TENT2: variants seen among roughly 807,000 people sequenced by gnomAD.
TENT2 encodes the protein terminal nucleotidyltransferase 2, also known as poly(A) RNA polymerase GLD2.
A neutral mutation model predicts 72.2 loss-of-function variants in TENT2; 44 were observed. The observed-to-expected ratio is 0.61, with a 90% CI of 0.48 to 0.78. The LOEUF (loss-of-function observed/expected upper bound fraction) is 0.78, where lower values mean the gene tolerates loss of function less well. Among genes scored for constraint, TENT2 ranks in the 30% least tolerant of loss-of-function variants. The probability of loss-of-function intolerance (pLI) is 0.00; values close to 1 mark genes in which losing one functional copy is unlikely to be tolerated. For synonymous variants in TENT2, 212 were observed against 192.5 expected (o/e 1.10, Z -0.84); for missense variants, 541 against 569.6 (o/e 0.95, Z 0.51).
chr5:79,667,086 A>G (rs1312812814), intron 11 of TENT2, among the ~76,000 whole-genome samples: 1 of 152,186 alleles, frequency 6.6e-6, no homozygotes, highest in African/African-American at 2.4e-5. Context: ...AATGGAGTGG[A>G]TCTCACGACT....
At chr5:79,635,384 T>G (rs894234117) in intron 4 of TENT2, among the ~76,000 whole-genome samples, 1 of 152,194 alleles carries the variant, frequency 6.6e-6, no homozygotes, top group South Asian at 2.1e-4. Flanking sequence ...TAGTAGTCCT[T>G]GGGAAAGAAA....
In TENT2 at chr5:79,685,568, T is replaced by C. The variant is rs1294207730; in HGVS notation, c.*295T>C. 2 of 222,472 alleles carry C rather than the reference T, an allele frequency of 9.0e-6. No homozygotes were observed. Among genetic ancestry groups the C allele is most frequent in the Non-Finnish European group, 8.7e-6 (1 of 114,720 alleles). 13.8% of individuals were successfully genotyped at this position (222,472 alleles called of 1,614,324 possible). On this transcript the variant is annotated 3_prime_UTR_variant, in exon 15 of 15. Transcript: ENST00000453514. ...AATTAACTGAACAAATAAAAAGTTT[T>C]TGATATAACTTCAATTAATTGTACC...
intron 11 of TENT2, among the ~76,000 whole-genome samples, chr5:79,661,935 TAA>T (rs1323070788): frequency 6.6e-6 from 1 of 152,206 alleles, no homozygotes; most frequent in Non-Finnish European, 1.5e-5. Flanking sequence ...CTTTACCAGC[TAA>T]GTTTATGTAA....
intron 3 of TENT2, among the ~76,000 whole-genome samples, chr5:79,622,984 T>C (rs1290983442): frequency 1.3e-5 from 2 of 152,086 alleles, no homozygotes; most frequent in Admixed American, 6.5e-5. Context: ...AGATGAAACA[T>C]TGGGGTAGTT....
At chr5:79,662,970 G>A (rs976034746) in intron 11 of TENT2, among the ~76,000 whole-genome samples, 1 of 152,198 alleles carries the variant, frequency 6.6e-6, no homozygotes. Context: ...TTCATCTGTT[G>A]TTCAGTGTAG....
Position 79,649,086 on chromosome 5 carries a change from T to C in TENT2, c.923T>C (p.Val308Ala). Reference sequence around the variant, plus strand: ...GTTGAAAATCGAGTTCGTCCGTTAGTGCTGGTGATTAAGAAGTGGGCAAGT... The same window carrying C: ...GTTGAAAATCGAGTTCGTCCGTTAGCGCTGGTGATTAAGAAGTGGGCAAGT... ...AYLENRVRPL[V>A]LVIKKWASHH... The change falls in exon 10 of 15, where the codon GTG (valine) becomes GCG (alanine). Residue 308 changes from valine to alanine, a missense_variant. By Grantham distance (64) the Val-to-Ala change is moderately conservative. Transcript: ENST00000453514. 2 of 1,613,450 alleles carry C rather than the reference T, an allele frequency of 1.2e-6. No individual in the cohort carries two copies. The highest frequency in any genetic ancestry group is 1.1e-5 in the South Asian group (1 of 91,064).
chr5:79,640,173 T>A (rs781058725), intron 4 of TENT2, among the ~76,000 whole-genome samples: 1 of 151,826 alleles, frequency 6.6e-6, no homozygotes, highest in Non-Finnish European at 1.5e-5. Flanking sequence ...GGAGAACCGC[T>A]TGAACCCAGG....
At chr5:79,681,708 T>C (rs1217087780) in intron 13 of TENT2, 1 of 239,676 alleles carries the variant, frequency 4.2e-6, no homozygotes, top group Non-Finnish European at 8.0e-6. Context: ...AGAAACCTTA[T>C]CCACATTTAT....
intron 13 of TENT2, 26 bp from the exon 14 acceptor site, chr5:79,681,956 C>T: frequency 6.3e-7 from 1 of 1,581,824 alleles, no homozygotes; most frequent in Non-Finnish European, 8.6e-7. Context: ...ATAATTTTTC[C>T]TTTACATTTG....
chr5:79,615,827 C>G (rs1050153363), intron 1 of TENT2, among the ~76,000 whole-genome samples: 1 of 152,044 alleles, frequency 6.6e-6, no homozygotes, highest in Non-Finnish European at 1.5e-5. Context: ...ATCCTCCCAC[C>G]CCAGCCTCCA....
Position 79,640,875 on chromosome 5 carries a change from T to C in TENT2, c.490T>C (p.Phe164Leu), listed in dbSNP as rs1434762024. ...DKLSQQILEL[F>L]ETCQQQISDL... is the part of the protein sequence containing the mutation. ...GTTGAGTCAGCAGATACTGGAGTTA[T>C]TTGAAACATGTCAGCAGCAAATAAG... The change falls in exon 5 of 15, where the codon TTT becomes CTT. Residue 164 changes from phenylalanine to leucine, a missense_variant. Transcript: ENST00000453514. 12 of 1,610,638 alleles carry C rather than the reference T, an allele frequency of 7.5e-6. No individual in the cohort carries two copies. Among genetic ancestry groups the C allele is most frequent in the Non-Finnish European group, 1.0e-5 (12 of 1,178,892 alleles).
intron 3 of TENT2, 78 bp from the exon 4 acceptor site, chr5:79,623,170 ATATT>A (rs1397959299): frequency 2.2e-6 from 2 of 904,706 alleles, no homozygotes; most frequent in Non-Finnish European, 3.3e-6. Context: ...ATCTCTTATG[ATATT>A]TATATATATT....
intron 12 of TENT2, among the ~76,000 whole-genome samples, chr5:79,670,608 C>T (rs1411075393): frequency 6.6e-6 from 1 of 151,876 alleles, no homozygotes; most frequent in East Asian, 1.9e-4. Flanking sequence ...CAGGTGTGAG[C>T]CACCGTGCTC....
intron 6 of TENT2, among the ~76,000 whole-genome samples, chr5:79,642,312 A>G (rs1785095268): frequency 6.6e-6 from 1 of 152,052 alleles, no homozygotes; most frequent in African/African-American, 2.4e-5. Context: ...AAAAACTCAC[A>G]TTATAAACAG....
At chr5:79,664,272 A>G (rs975697571) in intron 11 of TENT2, among the ~76,000 whole-genome samples, 14 of 152,152 alleles carry the variant, frequency 9.2e-5, no homozygotes, top group Non-Finnish European at 1.9e-4. Flanking sequence ...GGATCCATCA[A>G]TTACCTGAAA....
intron 11 of TENT2, among the ~76,000 whole-genome samples, chr5:79,661,435 A>T (rs1004218722): frequency 5.3e-5 from 8 of 152,308 alleles, no homozygotes; most frequent in African/African-American, 1.9e-4. Flanking sequence ...TACAGTATTC[A>T]GTATAATAAC....
chr5:79,623,362 G>A lies in TENT2; in HGVS notation c.338G>A (p.Arg113Gln), dbSNP rs533621916. The part of the protein sequence containing the change: ...VNQIVPLSGE[R>Q]RYSMPPLFHT... The stretch of plus-strand genomic sequence containing the variant: ...CAGATAGTGCCTTTATCAGGTGAAC[G>A]AAGATACTCAATGCCACCATTGTTT... The change falls in exon 4 of 15, where the codon CGA (arginine) becomes CAA (glutamine). Residue 113 changes from arginine to glutamine, a missense_variant. By Grantham distance (43) the Arg-to-Gln change is conservative. Transcript: ENST00000453514. 14 of 1,613,336 alleles carry A rather than the reference G, an allele frequency of 8.7e-6. No individual in the cohort carries two copies. Among genetic ancestry groups the A allele is most frequent in the South Asian group, 2.2e-5 (2 of 91,024 alleles).
intron 10 of TENT2, among the ~76,000 whole-genome samples, chr5:79,651,220 A>G (rs143891788): frequency 6.6e-6 from 1 of 151,994 alleles, no homozygotes; most frequent in African/African-American, 2.4e-5. Flanking sequence ...AAATACATAA[A>G]TGTCAAGTTC....
intron 4 of TENT2, among the ~76,000 whole-genome samples, chr5:79,637,944 C>T (rs757434688): frequency 5.9e-5 from 9 of 151,844 alleles, no homozygotes; most frequent in Admixed American, 2.0e-4. Flanking sequence ...ACTACAGGCA[C>T]GTGCCACTGT....
Sources: allele counts gnomAD v4.1 joint callset (sites outside exome capture counted in the v4.1 genomes callset), GRCh38; gene constraint gnomAD v4.1.1; transcripts MANE v1.5; gene names NCBI Gene and HGNC (gene_info 2026-07-23, HGNC 2026-07-21).